Variants in ACTN2 observed in about 807,000 individuals in gnomAD.
The protein encoded by ACTN2 is actinin alpha 2.
In ACTN2, 39 loss-of-function variants were observed where a neutral mutation model predicts 113.8. The ratio of observed to expected loss-of-function variants is 0.34; its 90% confidence interval spans 0.27 to 0.45. ACTN2 has a LOEUF of 0.45. ACTN2 is among the 20% of genes least tolerant of loss of function. The pLI is 1.00. For synonymous variants in ACTN2, 429 were observed against 444.1 expected, an observed-to-expected ratio of 0.97 and a Z score of 0.43; for missense variants, 992 against 1,177.9, an observed-to-expected ratio of 0.84 and a Z score of 2.31.
intron 4 of ACTN2, 150 bp downstream of exon 4, chr1:236,720,341 A>G: frequency 1.4e-6 from 1 of 691,974 alleles, no homozygotes; most frequent in Non-Finnish European, 2.6e-6. Flanking sequence ...GTATGTGTAT[A>G]GGAAAAGACC....
At chr1:236,761,267 A>AGCCCGTCTCCCTCTCCCTC in intron 20 of ACTN2, 94 bp downstream of exon 20, 3 of 1,447,586 alleles carry the variant, frequency 2.1e-6, no homozygotes, top group Non-Finnish European at 2.9e-6. Context: ...AACCATTTTT[A>AGCCCGTCTCCCTCTCCCTC]TGCCGGTGTA....
At chr1:236,761,358 C>T (rs1659702798) in intron 20 of ACTN2, among the ~76,000 whole-genome samples, 185 bp downstream of exon 20, 1 of 152,216 alleles carries the variant, frequency 6.6e-6, no homozygotes, top group Admixed American at 6.5e-5. Flanking sequence ...AGGAAACAGA[C>T]ATGCCATTCC....
intron 1 of ACTN2, among the ~76,000 whole-genome samples, chr1:236,710,693 G>A (rs1189089903): frequency 1.3e-5 from 2 of 152,202 alleles, no homozygotes; most frequent in African/African-American, 4.8e-5. Context: ...ATGACCAAGT[G>A]AGCAGAAGCT....
intron 4 of ACTN2, among the ~76,000 whole-genome samples, chr1:236,721,022 G>GTTTTTTTTTTTTTTTTTTTTT (rs869077774): frequency 4.2e-4 from 28 of 66,498 alleles, no homozygotes; most frequent in Non-Finnish European, 5.0e-4. Context: ...TTTGTTTTTT[G>GTTTTTTTTTTTTTTTTTTTTT]TTTTTTTTTT....
chr1:236,727,100 G>C (rs974317937), intron 5 of ACTN2, among the ~76,000 whole-genome samples: 4 of 152,058 alleles, frequency 2.6e-5, no homozygotes, highest in Non-Finnish European at 5.9e-5. Context: ...TGGTGTCTAC[G>C]GCGGAACAGA....
intron 1 of ACTN2, among the ~76,000 whole-genome samples, chr1:236,704,792 A>G (rs1302855037): frequency 6.6e-6 from 1 of 152,178 alleles, no homozygotes; most frequent in East Asian, 1.9e-4. Context: ...GGGCTTTTGA[A>G]GGAGACCTCA....
intron 6 of ACTN2, among the ~76,000 whole-genome samples, chr1:236,730,412 G>A (rs935308019): frequency 6.6e-6 from 1 of 152,084 alleles, no homozygotes. Flanking sequence ...TGTGCTCATT[G>A]GAAAACATTG....
chr1:236,749,056 G>A (rs1659316357), intron 13 of ACTN2, 68 bp from the exon 14 acceptor site: 39 of 1,531,938 alleles, frequency 2.5e-5, no homozygotes, highest in Middle Eastern at 1.7e-4. Context: ...CTTATGGAAC[G>A]CCTACTTACA....
In ACTN2 at chr1:236,749,118, C is replaced by A; in HGVS notation, c.1516-6C>A. ...ATGATAATGCTTGCTTCTCTTTATT[C>A]TTTAGAGAATGGAGAAATTGCTAGA... is the stretch of plus-strand genomic sequence containing the variant. On this transcript the variant is annotated splice_polypyrimidine_tract_variant and splice_region_variant and intron_variant, in intron 13 of 20. Coordinates refer to ENST00000366578, the MANE Select transcript of ACTN2 (RefSeq NM_001103.4). The A allele has an allele frequency of 6.2e-7, 1 of 1,614,016 alleles. No individual in the cohort carries two copies.
chr1:236,703,921 C>A (rs1016210589), intron 1 of ACTN2, among the ~76,000 whole-genome samples: 7 of 152,170 alleles, frequency 4.6e-5, no homozygotes, highest in Non-Finnish European at 7.4e-5. Context: ...AGGAAATTTT[C>A]TTAAGCAGGA....
chr1:236,734,418 C>G (rs991680590), intron 7 of ACTN2: 1 of 1,526,514 alleles, frequency 6.6e-7, no homozygotes, highest in Non-Finnish European at 8.8e-7. Flanking sequence ...GGTTAACCTT[C>G]TTTTCTCCAC....
intron 4 of ACTN2, among the ~76,000 whole-genome samples, chr1:236,721,022 GTTTTTTTTTT>G (rs869077774): frequency 0.01 from 670 of 66,522 alleles, 120 homozygotes; most frequent in Middle Eastern, 0.05. Context: ...TTTGTTTTTT[GTTTTTTTTTT>G]TTTTTTTTTT....
chr1:236,724,273 T>A (rs901728243), intron 4 of ACTN2, among the ~76,000 whole-genome samples: 9 of 152,162 alleles, frequency 5.9e-5, no homozygotes, highest in Non-Finnish European at 1.0e-4. Flanking sequence ...GGCCCCACCC[T>A]CGTGACCTCA....
intron 10 of ACTN2, among the ~76,000 whole-genome samples, chr1:236,739,814 C>A (rs1659013779): frequency 6.6e-6 from 1 of 152,210 alleles, no homozygotes; most frequent in Non-Finnish European, 1.5e-5. Flanking sequence ...ATGGCCTTGG[C>A]CCCTCATGTC....
Position 236,686,516 on chromosome 1 carries a change from C to T in ACTN2, c.-158C>T. On this transcript the variant is annotated 5_prime_UTR_variant, in exon 1 of 21. Transcript: ENST00000366578. ...TCGCAGCCGGAGCTGGTGCTTCGCC[C>T]GAGACCCAGCGCCCAGGCGTGTCGC... 4 of 799,428 alleles carry T rather than the reference C, an allele frequency of 5.0e-6. No homozygotes were observed. The highest frequency in any genetic ancestry group is 6.7e-6 in the Non-Finnish European group (4 of 600,206). 49.5% of individuals were successfully genotyped at this position (799,428 alleles called of 1,614,324 possible). A position where few individuals can be genotyped will look rare whatever the true frequency, so the allele number is the denominator to read the frequency against.
At chr1:236,716,185 CT>C (rs1658205576) in intron 1 of ACTN2, among the ~76,000 whole-genome samples, 1 of 150,046 alleles carries the variant, frequency 6.7e-6, no homozygotes, top group African/African-American at 2.5e-5. Flanking sequence ...TGAAAATCCT[CT>C]TTATCACCCA....
At chr1:236,745,197 G>A (rs1379675938) in intron 12 of ACTN2, among the ~76,000 whole-genome samples, 1 of 152,162 alleles carries the variant, frequency 6.6e-6, no homozygotes, top group Non-Finnish European at 1.5e-5. Flanking sequence ...CACTTTGGGA[G>A]GCTGAGGCGG....
chr1:236,736,596 G>A, intron 8 of ACTN2: 1 of 1,470,874 alleles, frequency 6.8e-7, no homozygotes. Flanking sequence ...CTCTGTGGAA[G>A]GATCCCCCTC....
At chr1:236,753,787 C>A in intron 15 of ACTN2, 160 bp from the exon 16 acceptor site, 1 of 884,364 alleles carries the variant, frequency 1.1e-6, no homozygotes, top group Non-Finnish European at 1.9e-6. Flanking sequence ...ACTAGGGACT[C>A]CTCCTCCCTA....
Sources: gnomAD v4.1 joint callset for allele counts (sites outside exome capture counted in the v4.1 genomes callset) on GRCh38, gnomAD v4.1.1 for gene constraint, MANE v1.5 for transcripts, NCBI Gene and HGNC (gene_info 2026-07-23, HGNC 2026-07-21) for gene names.